Variants in INPP5D observed in about 807,000 individuals in gnomAD.
The protein encoded by INPP5D is phosphatidylinositol 3,4,5-trisphosphate 5-phosphatase 1.
Under a neutral mutation model 122.9 loss-of-function variants are expected in INPP5D, and 33 were observed. The ratio of observed to expected loss-of-function variants is 0.27; its 90% CI spans 0.20 to 0.36. The LOEUF (loss-of-function observed/expected upper bound fraction) is 0.36, where lower values mean the gene tolerates loss of function less well. Ranked by LOEUF, INPP5D falls within the 10% of genes least tolerant of loss-of-function variation. The pLI is 1.00. For synonymous variants in INPP5D, 584 were observed against 576.2 expected, an observed-to-expected ratio of 1.01 and a Z score of -0.19; for missense variants, 1,053 against 1,412.7, an observed-to-expected ratio of 0.75 and a Z score of 4.08.
rs1691614748 is a variant in INPP5D at position 233,079,500 on chromosome 2, G to C, written c.198+102G>C. The C allele has an allele frequency of 1.9e-5, 15 of 792,176 alleles. No individual in the cohort carries two copies. The South Asian group carries it at 2.1e-4, about 11-fold the overall frequency. The allele number at this position is 792,176 out of a possible 1,614,324, so 49.1% of individuals were successfully genotyped here. A position where few individuals can be genotyped will look rare whatever the true frequency, so the allele number is the denominator to read the frequency against. On this transcript the variant is annotated intron_variant, in intron 2 of 26. Transcript: ENST00000445964. ...AAGGAAGTGCACGCGCAGGTAGCCGGACGTGAAGGCCTGGCTGAGCCTGGC... is the reference window on the plus strand; with the variant it reads ...AAGGAAGTGCACGCGCAGGTAGCCGCACGTGAAGGCCTGGCTGAGCCTGGC...
intron 25 of INPP5D, among the ~76,000 whole-genome samples, chr2:233,202,335 A>AG (rs112908574): frequency 0.02 from 3,107 of 152,272 alleles, 108 homozygotes; most frequent in African/African-American, 0.07. Context: ...CTGAACATGG[A>AG]GGGGGCCCTT....
At chr2:233,168,005 C>CGAAAAAA (rs1694391166) in intron 13 of INPP5D, among the ~76,000 whole-genome samples, 1 of 72,712 alleles carries the variant, frequency 1.4e-5, no homozygotes. Context: ...ACTCTGTCTC[C>CGAAAAAA]AAAAAAAAAA....
chr2:233,190,633 CCACAGCCAGAGA>C (rs1695031706), intron 22 of INPP5D, among the ~76,000 whole-genome samples: 1 of 152,200 alleles, frequency 6.6e-6, no homozygotes, highest in Non-Finnish European at 1.5e-5. Context: ...CTGTGGAGGC[CCACAGCCAGAGA>C]GACAGCAGGG....
chr2:233,169,539 CACA>C (rs1445538236), intron 14 of INPP5D, 138 bp downstream of exon 14: 1 of 1,342,570 alleles, frequency 7.4e-7, no homozygotes, highest in Admixed American at 2.6e-5. Context: ...CAGGGCCCAC[CACA>C]GTCTCATCAA....
intron 3 of INPP5D, 29 bp downstream of exon 3, chr2:233,122,286 G>A (rs1387881091): frequency 6.2e-7 from 1 of 1,603,748 alleles, no homozygotes; most frequent in Non-Finnish European, 8.5e-7. Flanking sequence ...GACGGCAGGA[G>A]GTACTTTTGG....
intron 2 of INPP5D, among the ~76,000 whole-genome samples, chr2:233,092,919 G>A (rs781074192): frequency 4.8e-5 from 7 of 146,502 alleles, no homozygotes; most frequent in African/African-American, 1.2e-4. Flanking sequence ...CACCTGACAC[G>A]TTGCCCCTGA....
chr2:233,162,384 T>C (rs981941298), intron 11 of INPP5D, among the ~76,000 whole-genome samples: 10 of 151,904 alleles, frequency 6.6e-5, no homozygotes, highest in African/African-American at 2.4e-4. Context: ...ATATATAGTA[T>C]ATATACATAT....
chr2:233,155,306 A>G (rs1694020745), intron 9 of INPP5D, among the ~76,000 whole-genome samples: 2 of 152,138 alleles, frequency 1.3e-5, no homozygotes, highest in South Asian at 4.1e-4. Context: ...AAAATAGGAG[A>G]GGCAAGATTT....
chr2:233,092,724 G>A (rs1332546501), intron 2 of INPP5D, among the ~76,000 whole-genome samples: 2 of 152,182 alleles, frequency 1.3e-5, no homozygotes, highest in Admixed American at 1.3e-4. Flanking sequence ...CATTGAACGT[G>A]GGAGGTGGAG....
intron 2 of INPP5D, among the ~76,000 whole-genome samples, chr2:233,113,955 GGAT>G (rs1692709722): frequency 1.7e-5 from 2 of 118,780 alleles, no homozygotes; most frequent in Non-Finnish European, 3.3e-5. Flanking sequence ...CGCCCAGGCT[GGAT>G]GGAGTGCAGT....
At chr2:233,146,570 G>A in intron 8 of INPP5D, 132 bp downstream of exon 8, 1 of 671,398 alleles carries the variant, frequency 1.5e-6, no homozygotes, top group Non-Finnish European at 2.7e-6. Context: ...AGCCAAGAAT[G>A]GCAGTCAGTT....
At chr2:233,165,199 G>A (rs891950939) in intron 13 of INPP5D, among the ~76,000 whole-genome samples, 1 of 152,196 alleles carries the variant, frequency 6.6e-6, no homozygotes, top group African/African-American at 2.4e-5. Context: ...GTGTTTGTGA[G>A]CATGTTTATG....
chr2:233,104,171 T>A (rs1254622423), intron 2 of INPP5D, among the ~76,000 whole-genome samples: 1 of 151,474 alleles, frequency 6.6e-6, no homozygotes, highest in Non-Finnish European at 1.5e-5. Context: ...CCACCACACC[T>A]GGCTAATTTT....
intron 2 of INPP5D, among the ~76,000 whole-genome samples, chr2:233,111,534 G>A (rs1692628504): frequency 6.6e-6 from 1 of 152,062 alleles, no homozygotes; most frequent in Admixed American, 6.6e-5. Context: ...TAATAATTTT[G>A]TAGACTGTCC....
chr2:233,085,334 T>C (rs1202655750), intron 2 of INPP5D, among the ~76,000 whole-genome samples: 3 of 150,778 alleles, frequency 2.0e-5, no homozygotes, highest in Non-Finnish European at 4.4e-5. Flanking sequence ...TGCAGCGAGC[T>C]GAGGTCTCAC....
intron 2 of INPP5D, among the ~76,000 whole-genome samples, chr2:233,081,738 G>A (rs1010989812): frequency 1.3e-5 from 2 of 152,060 alleles, no homozygotes; most frequent in African/African-American, 2.4e-5. Flanking sequence ...GGAGAAGGCC[G>A]CCCTAGGGCC....
chr2:233,060,565 C>T lies in INPP5D; in HGVS notation c.87C>T (p.Leu29=), dbSNP rs753549070. 3.7e-6 allele frequency: 6 copies of T among 1,613,894 alleles called. No homozygotes were observed. The South Asian group carries it at 4.4e-5, about 12-fold the overall frequency. Residue 29 remains leucine, a synonymous_variant, in exon 1 of 27, where the codon CTC becomes CTT. Coordinates refer to ENST00000445964, the MANE Select transcript of INPP5D (RefSeq NM_001017915.3). ...LSRTGKDGSF[L]VRASESISRA... Reference sequence around the variant, plus strand: ...GGACAGGCAAGGACGGGAGCTTCCTCGTGCGTGCCAGCGAGTCCATCTCCC... The same window carrying T: ...GGACAGGCAAGGACGGGAGCTTCCTTGTGCGTGCCAGCGAGTCCATCTCCC...
intron 20 of INPP5D, among the ~76,000 whole-genome samples, chr2:233,185,338 C>A (rs887537770): frequency 6.6e-6 from 1 of 152,160 alleles, no homozygotes; most frequent in African/African-American, 2.4e-5. Context: ...GTCACTGAGT[C>A]CCCAAGCTCC....
chr2:233,132,073 A>G (rs1693343618), intron 5 of INPP5D, among the ~76,000 whole-genome samples: 1 of 152,208 alleles, frequency 6.6e-6, no homozygotes, highest in Non-Finnish European at 1.5e-5. Flanking sequence ...ACCTGGAGCT[A>G]TCATTTTTAT....
Sources: allele counts gnomAD v4.1 joint callset (sites outside exome capture counted in the v4.1 genomes callset), GRCh38; gene constraint gnomAD v4.1.1; transcripts MANE v1.5; gene names NCBI Gene and HGNC (gene_info 2026-07-23, HGNC 2026-07-21).